The following PCDH9 variants were observed in gnomAD, a reference collection of about 807,000 sequenced individuals.
The protein encoded by PCDH9 is protocadherin-9.
Under a neutral mutation model 70.6 loss-of-function variants are expected in PCDH9, and 24 were observed. The observed-to-expected ratio is 0.34, with a 90% CI of 0.25 to 0.48. The LOEUF is 0.48. PCDH9 is among the 20% of genes least tolerant of loss of function. PCDH9 has a pLI of 0.99. For synonymous variants in PCDH9, 562 were observed against 558.5 expected (o/e 1.01, Z -0.09); for missense variants, 1,281 against 1,503.6 (o/e 0.85, Z 2.45).
chr13:66,973,962 A>G (rs1293710552), intron 2 of PCDH9, among the ~76,000 whole-genome samples: 1 of 151,972 alleles, frequency 6.6e-6, no homozygotes, highest in Admixed American at 6.6e-5. Context: ...TAGGATTGCT[A>G]TTTTGCTTAA....
At chr13:66,591,708 TA>T (rs575070655) in intron 4 of PCDH9, among the ~76,000 whole-genome samples, 14 of 151,268 alleles carry the variant, frequency 9.3e-5, no homozygotes, top group African/African-American at 3.1e-4. Flanking sequence ...AATAAGCCAT[TA>T]AAAAAAACCT....
chr13:67,059,885 G>T (rs1490261629), intron 2 of PCDH9, among the ~76,000 whole-genome samples: 15 of 143,420 alleles, frequency 1.0e-4, no homozygotes, highest in South Asian at 2.2e-4. Flanking sequence ...GTTTTTTGTT[G>T]TTTTTTTTTT....
chr13:66,797,924 G>A (rs1217381538), intron 3 of PCDH9, among the ~76,000 whole-genome samples: 1 of 151,422 alleles, frequency 6.6e-6, no homozygotes, highest in African/African-American at 2.4e-5. Flanking sequence ...CACACAGAAT[G>A]CATTAAACAA....
At chr13:67,041,756 A>C (rs952012192) in intron 2 of PCDH9, among the ~76,000 whole-genome samples, 4 of 150,378 alleles carry the variant, frequency 2.7e-5, no homozygotes, top group African/African-American at 9.8e-5. Flanking sequence ...GTGTGAACCC[A>C]GGAGTCAGAG....
intron 3 of PCDH9, among the ~76,000 whole-genome samples, chr13:66,843,049 A>G (rs556453694): frequency 7.2e-5 from 11 of 152,338 alleles, no homozygotes; most frequent in Admixed American, 1.3e-4. Flanking sequence ...TGACTGAAGG[A>G]AGAAAATCAA....
chr13:66,606,756 T>C (rs1358587290), intron 4 of PCDH9, among the ~76,000 whole-genome samples: 1 of 152,022 alleles, frequency 6.6e-6, no homozygotes, highest in African/African-American at 2.4e-5. Flanking sequence ...AAACTGGCAT[T>C]TTTTTTTCAG....
Position 66,599,312 on chromosome 13 carries a change from A to AT in PCDH9, c.3340+31897dup, listed in dbSNP as rs34915936. Among the ~76,000 whole-genome samples the AT allele has an allele frequency of 2.6e-5, 4 of 151,764 alleles. No homozygotes were observed. The South Asian group carries it at 8.3e-4, about 31-fold the overall frequency. ...ATATGTATTTGTTTTAATTGAAGAG[A>AT]TTTTGAATGTAAAAAACCAGATATA... On this transcript the variant is annotated intron_variant, in intron 4 of 4. Transcript: ENST00000377865.
At chr13:66,528,114 T>C (rs1477271976) in intron 4 of PCDH9, among the ~76,000 whole-genome samples, 1 of 152,160 alleles carries the variant, frequency 6.6e-6, no homozygotes, top group Non-Finnish European at 1.5e-5. Flanking sequence ...ATAAATAGCT[T>C]TTTCTTTTCT....
At chr13:67,164,612 A>G (rs1011741515) in intron 2 of PCDH9, among the ~76,000 whole-genome samples, 1 of 151,812 alleles carries the variant, frequency 6.6e-6, no homozygotes, top group African/African-American at 2.4e-5. Flanking sequence ...AAAAGACTAT[A>G]ACATTTGACT....
chr13:66,711,928 T>A (rs886202823), intron 3 of PCDH9, among the ~76,000 whole-genome samples: 4 of 152,200 alleles, frequency 2.6e-5, no homozygotes, highest in African/African-American at 9.6e-5. Flanking sequence ...CTTTACTTTA[T>A]GTCTCTGCTT....
chr13:67,206,133 A>G (rs2089337358), intron 2 of PCDH9: 1 of 151,428 alleles, frequency 6.6e-6, no homozygotes, highest in Admixed American at 6.6e-5. Context: ...AAGCCACCAC[A>G]CTGGCATTTA....
chr13:67,163,322 C>G (rs1389286826), intron 2 of PCDH9, among the ~76,000 whole-genome samples: 1 of 152,118 alleles, frequency 6.6e-6, no homozygotes, highest in East Asian at 1.9e-4. Flanking sequence ...TATCTATAAA[C>G]CTATATGTGA....
chr13:66,672,292 A>G (rs1394453455), intron 3 of PCDH9, among the ~76,000 whole-genome samples: 1 of 152,176 alleles, frequency 6.6e-6, no homozygotes, highest in African/African-American at 2.4e-5. Context: ...ACTTTTCACT[A>G]TATGGGAGGT....
chr13:67,104,738 A>T (rs763437347), intron 2 of PCDH9, among the ~76,000 whole-genome samples: 23 of 152,022 alleles, frequency 1.5e-4, no homozygotes, highest in Non-Finnish European at 1.2e-4. Context: ...TTTAGTAGAG[A>T]CGGGGTTTCA....
At chr13:66,999,327 TCC>T (rs1478973457) in intron 2 of PCDH9, among the ~76,000 whole-genome samples, 2 of 151,942 alleles carry the variant, frequency 1.3e-5, no homozygotes, top group African/African-American at 4.8e-5. Flanking sequence ...AAAAGGAAGA[TCC>T]CTTAAAAAAA....
At chr13:66,459,471 G>T (rs76439011) in intron 4 of PCDH9, among the ~76,000 whole-genome samples, 2 of 148,198 alleles carry the variant, frequency 1.3e-5, no homozygotes, top group South Asian at 2.1e-4. Context: ...AAAAAGTTGT[G>T]TTTTTTTTTT....
At chr13:66,956,342 G>A (rs1402966621) in intron 2 of PCDH9, among the ~76,000 whole-genome samples, 1 of 152,136 alleles carries the variant, frequency 6.6e-6, no homozygotes, top group African/African-American at 2.4e-5. Context: ...TAGCCCCCAA[G>A]GTGACCTTAG....
intron 4 of PCDH9, among the ~76,000 whole-genome samples, chr13:66,488,850 T>C (rs1285864865): frequency 6.6e-6 from 1 of 152,058 alleles, no homozygotes; most frequent in Non-Finnish European, 1.5e-5. Flanking sequence ...CTATATTGCA[T>C]TACATAAAAA....
At chr13:66,660,068 C>G (rs1015462583) in intron 3 of PCDH9, among the ~76,000 whole-genome samples, 1 of 152,060 alleles carries the variant, frequency 6.6e-6, no homozygotes. Context: ...TAGCTTTTCT[C>G]GGAGTTGAAA....
Sources: gnomAD v4.1 joint callset for allele counts (sites outside exome capture counted in the v4.1 genomes callset) on GRCh38, gnomAD v4.1.1 for gene constraint, MANE v1.5 for transcripts, NCBI Gene and HGNC (gene_info 2026-07-23, HGNC 2026-07-21) for gene names.